The following ANKRD62 variants were observed in gnomAD, a reference collection of about 807,000 sequenced individuals.
The protein encoded by ANKRD62 is ankyrin repeat domain 62, also known as ankyrin repeat domain-containing protein 62.
ANKRD62 carries 61 observed loss-of-function variants against 98.8 expected under a neutral mutation model. That is an observed-to-expected ratio of 0.62 (90% CI 0.50 to 0.76). ANKRD62 has a LOEUF of 0.76. Among genes scored for constraint, ANKRD62 ranks in the 30% least tolerant of loss-of-function variants. The pLI, the probability that ANKRD62 is intolerant of heterozygous loss-of-function variation, is 0.00. For missense variants in ANKRD62, 933 were observed against 1,082.9 expected (o/e 0.86, Z 1.94); for synonymous variants, 341 against 367.9 (o/e 0.93, Z 0.84).
chr18:12,134,060 A>G (rs539205792), downstream of ANKRD62, among the ~76,000 whole-genome samples: 28 of 152,290 alleles, frequency 1.8e-4, no homozygotes, highest in Non-Finnish European at 3.4e-4. Context: ...TACTGAGGAA[A>G]CTTCCTTTAT....
chr18:12,123,328 A>G (rs1246963936), intron 11 of ANKRD62, among the ~76,000 whole-genome samples: 1 of 152,022 alleles, frequency 6.6e-6, no homozygotes, highest in Non-Finnish European at 1.5e-5. Flanking sequence ...TTCTGGGATT[A>G]CAGTGTGAGC....
the ANKRD62 span, among the ~76,000 whole-genome samples, chr18:12,171,847 C>G: frequency 6.6e-6 from 1 of 152,084 alleles, no homozygotes; most frequent in Admixed American, 6.6e-5. Context: ...TCTTTTTACC[C>G]TTTTTTCTCT....
the ANKRD62 span, among the ~76,000 whole-genome samples, chr18:12,150,812 A>G: frequency 1.3e-5 from 2 of 152,238 alleles, no homozygotes; most frequent in Non-Finnish European, 2.9e-5. Context: ...AGCACTAAAT[A>G]TAGAAAGACC....
intron 8 of ANKRD62, among the ~76,000 whole-genome samples, chr18:12,108,864 A>C (rs780058289): frequency 3.3e-5 from 5 of 152,220 alleles, no homozygotes; most frequent in Non-Finnish European, 7.3e-5. Context: ...ATTAAATCTT[A>C]AAGCTCCTAA....
At chr18:12,130,389 G>A (rs1330977845), downstream of ANKRD62, among the ~76,000 whole-genome samples, 2 of 152,098 alleles carry the variant, frequency 1.3e-5, no homozygotes, top group African/African-American at 4.8e-5. Flanking sequence ...GAATGAAAAA[G>A]CGAGCGGACA....
intron 1 of ANKRD62, among the ~76,000 whole-genome samples, chr18:12,094,797 TTG>T (rs1909142817): frequency 9.3e-5 from 3 of 32,234 alleles, no homozygotes; most frequent in Non-Finnish European, 1.7e-4. Flanking sequence ...GTGGGTGGGG[TTG>T]GGGACTGTGG....
downstream of ANKRD62, among the ~76,000 whole-genome samples, chr18:12,134,617 A>G (rs1179012665): frequency 6.6e-6 from 1 of 152,110 alleles, no homozygotes; most frequent in Non-Finnish European, 1.5e-5. Flanking sequence ...GAGTGAGAAC[A>G]TGCGGTGTTT....
In ANKRD62 at chr18:12,093,996, G is replaced by C; in HGVS notation, c.-22G>C. ...TGTCTTAAAGCCGTTCCTCAGCCTGGGAGAAGATCTCTGGCTTCAGGATGG... is the reference window on the plus strand; with the variant it reads ...TGTCTTAAAGCCGTTCCTCAGCCTGCGAGAAGATCTCTGGCTTCAGGATGG... On this transcript the variant is annotated 5_prime_UTR_variant, in exon 1 of 14. Coordinates refer to ENST00000587848, the MANE Select transcript of ANKRD62 (RefSeq NM_001277333.2). The C allele has an allele frequency of 6.5e-7, 1 of 1,534,050 alleles. No individual in the cohort carries two copies. Among genetic ancestry groups the C allele is most frequent in the Non-Finnish European group, 8.7e-7 (1 of 1,146,310 alleles).
chr18:12,154,888 T>G, the ANKRD62 span, among the ~76,000 whole-genome samples: 1 of 152,214 alleles, frequency 6.6e-6, no homozygotes, highest in Non-Finnish European at 1.5e-5. Context: ...GAATACCACA[T>G]GTTCTCACTT....
the ANKRD62 span, among the ~76,000 whole-genome samples, chr18:12,181,642 G>C: frequency 2.0e-5 from 3 of 152,196 alleles, no homozygotes; most frequent in Admixed American, 2.0e-4. Flanking sequence ...TTCTCTGGGG[G>C]AGAAGCCAAG....
At chr18:12,157,528 A>G in the ANKRD62 span, among the ~76,000 whole-genome samples, 1 of 152,168 alleles carries the variant, frequency 6.6e-6, no homozygotes, top group Non-Finnish European at 1.5e-5. Flanking sequence ...TTAACATAAT[A>G]TGATGTAATA....
intron 6 of ANKRD62, chr18:12,102,462 G>T: frequency 2.3e-6 from 1 of 440,002 alleles, no homozygotes; most frequent in South Asian, 2.1e-5. Flanking sequence ...AGTCTCCAGA[G>T]AACCGCCATC....
chr18:12,094,232 A>G lies in ANKRD62; in HGVS notation c.215A>G (p.Asn72Ser). 6.6e-7 allele frequency: 1 copy of G among 1,524,318 alleles called. No individual in the cohort carries two copies. Among genetic ancestry groups the G allele is most frequent in the Admixed American group, 2.0e-5 (1 of 49,476 alleles). 94.4% of individuals were successfully genotyped at this position (1,524,318 alleles called of 1,614,324 possible). Residue 72 changes from asparagine to serine, a missense_variant, in exon 1 of 14, where the codon AAC becomes AGC. Transcript: ENST00000587848. The stretch of plus-strand genomic sequence containing the variant: ...GACTTGAACGACAGGGACAAGAAGA[A>G]CAGGTAAGGGGAACAGGAAGCCGGG... Reference protein sequence around the residue: ...LNDLNDRDKKNRTALLLACAH... With the variant: ...LNDLNDRDKKSRTALLLACAH...
At chr18:12,141,238 A>G in the ANKRD62 span, among the ~76,000 whole-genome samples, 2 of 152,110 alleles carry the variant, frequency 1.3e-5, no homozygotes, top group Admixed American at 6.5e-5. Context: ...CCTGATTTTC[A>G]AGGTGCTGTC....
chr18:12,094,849 G>A (rs1909144749), intron 1 of ANKRD62, among the ~76,000 whole-genome samples: 1 of 125,968 alleles, frequency 7.9e-6, no homozygotes, highest in Non-Finnish European at 1.7e-5. Flanking sequence ...GTGGGGAGTC[G>A]AGTGGAGTGA....
chr18:12,151,429 G>T, the ANKRD62 span, among the ~76,000 whole-genome samples: 2 of 152,172 alleles, frequency 1.3e-5, no homozygotes, highest in Non-Finnish European at 2.9e-5. Context: ...GACCAAGTGG[G>T]TCTGATAGAC....
At chr18:12,117,606 T>C (rs1035414130) in intron 10 of ANKRD62, among the ~76,000 whole-genome samples, 9 of 152,222 alleles carry the variant, frequency 5.9e-5, no homozygotes, top group African/African-American at 2.2e-4. Context: ...TCATCATAGA[T>C]GTTCTTTATC....
In ANKRD62 at chr18:12,127,792, C is replaced by A; in HGVS notation, c.2607C>A (p.Asn869Lys). 6.7e-7 allele frequency: 1 copy of A among 1,494,216 alleles called. No homozygotes were observed. The highest frequency in any genetic ancestry group is 8.9e-7 in the Non-Finnish European group (1 of 1,128,954). 92.6% of individuals were successfully genotyped at this position (1,494,216 alleles called of 1,614,324 possible). A position where few individuals can be genotyped will look rare whatever the true frequency, so the allele number is the denominator to read the frequency against. ...AACGAGAAGTGGATGATGCCCTGAA[C>A]AAACAATTGCTGTTAGAAGCTATGC... ...QLQREVDDAL[N>K]KQLLLEAMLE... The change falls in exon 14 of 14, where the codon AAC (asparagine) becomes AAA (lysine). Residue 869 changes from asparagine (N) to lysine (K), a missense_variant. Transcript: ENST00000587848.
chr18:12,100,289 A>G (rs1909272154), intron 6 of ANKRD62, among the ~76,000 whole-genome samples: 2 of 152,242 alleles, frequency 1.3e-5, no homozygotes, highest in East Asian at 3.8e-4. Context: ...GAAGAAACTT[A>G]TAAAGAAATT....
Sources: allele counts gnomAD v4.1 joint callset (sites outside exome capture counted in the v4.1 genomes callset), GRCh38; gene constraint gnomAD v4.1.1; transcripts MANE v1.5; gene names NCBI Gene and HGNC (gene_info 2026-07-23, HGNC 2026-07-21).